The following KCNB2 variants were observed in gnomAD, a reference collection of about 807,000 sequenced individuals.
The protein encoded by KCNB2 is delayed rectifier potassium channel protein.
A neutral mutation model predicts 61.5 loss-of-function variants in KCNB2; 15 were observed. That is an observed-to-expected ratio of 0.24 (90% CI 0.16 to 0.38). KCNB2 has a LOEUF of 0.38. Ranked by LOEUF, KCNB2 falls within the 10% of genes least tolerant of loss-of-function variation. The pLI is 1.00. For missense variants in KCNB2, 828 were observed against 1,125.2 expected, an observed-to-expected ratio of 0.74 and a Z score of 3.78; for synonymous variants, 457 against 446.0, an observed-to-expected ratio of 1.02 and a Z score of -0.31.
At chr8:72,835,267 A>G (rs970076248) in intron 2 of KCNB2, among the ~76,000 whole-genome samples, 4 of 152,246 alleles carry the variant, frequency 2.6e-5, no homozygotes, top group African/African-American at 9.6e-5. Flanking sequence ...TATTTTAGAA[A>G]GAAATAATAT....
At chr8:72,648,997 TTTCTC>T (rs1279548520) in intron 2 of KCNB2, among the ~76,000 whole-genome samples, 3 of 152,192 alleles carry the variant, frequency 2.0e-5, no homozygotes, top group Admixed American at 6.5e-5. Context: ...ATTGCATACT[TTTCTC>T]ATCTTTACAG....
At chr8:72,619,022 A>C in intron 2 of KCNB2, 1 of 319,826 alleles carries the variant, frequency 3.1e-6, no homozygotes, top group South Asian at 2.8e-5. Context: ...CCCTGTTCTG[A>C]AGATGACCGT....
chr8:72,627,918 T>TA (rs1371610337), intron 2 of KCNB2, among the ~76,000 whole-genome samples: 9 of 151,988 alleles, frequency 5.9e-5, no homozygotes, highest in Non-Finnish European at 7.4e-5. Flanking sequence ...TTTATTAGAT[T>TA]AAAAAAAATG....
chr8:72,902,583 T>G (rs983152650), intron 2 of KCNB2, among the ~76,000 whole-genome samples: 5 of 152,154 alleles, frequency 3.3e-5, no homozygotes. Context: ...ATTTTATCAA[T>G]GGAGAAAATG....
chr8:72,873,695 A>C (rs1280167534), intron 2 of KCNB2, among the ~76,000 whole-genome samples: 1 of 152,264 alleles, frequency 6.6e-6, no homozygotes, highest in Non-Finnish European at 1.5e-5. Flanking sequence ...GTGTGACAGC[A>C]CTGGGGACAA....
At chr8:72,739,481 T>C (rs1807908864) in intron 2 of KCNB2, among the ~76,000 whole-genome samples, 1 of 151,980 alleles carries the variant, frequency 6.6e-6, no homozygotes. Context: ...CAAAACCTTT[T>C]AGGGAATAGA....
intron 2 of KCNB2, among the ~76,000 whole-genome samples, chr8:72,644,254 C>G (rs142491307): frequency 8.0e-4 from 122 of 152,170 alleles, no homozygotes; most frequent in Middle Eastern, 3.4e-3. Flanking sequence ...TTCACCCCCC[C>G]CTTCTCTTTA....
intron 2 of KCNB2, among the ~76,000 whole-genome samples, chr8:72,882,389 A>G (rs953563131): frequency 6.6e-6 from 1 of 152,194 alleles, no homozygotes; most frequent in African/African-American, 2.4e-5. Context: ...GAGAGTGTAC[A>G]TTGAGGTCAC....
intron 2 of KCNB2, among the ~76,000 whole-genome samples, chr8:72,764,203 A>T (rs886526046): frequency 1.3e-5 from 2 of 152,198 alleles, no homozygotes; most frequent in African/African-American, 4.8e-5. Context: ...GAAAGGCAGG[A>T]TGGATAAGAT....
intron 2 of KCNB2, among the ~76,000 whole-genome samples, chr8:72,780,958 AT>A (rs1808742927): frequency 6.6e-6 from 1 of 152,036 alleles, no homozygotes; most frequent in South Asian, 2.1e-4. Flanking sequence ...TTTGATTTGC[AT>A]TTCTCTAATG....
intron 2 of KCNB2, among the ~76,000 whole-genome samples, chr8:72,822,282 C>T (rs1321349199): frequency 1.3e-5 from 2 of 152,214 alleles, no homozygotes; most frequent in African/African-American, 4.8e-5. Context: ...ATGTTTCCTC[C>T]CTTCTGGAAA....
At chr8:72,799,758 C>T (rs1585900264) in intron 2 of KCNB2, among the ~76,000 whole-genome samples, 1 of 152,046 alleles carries the variant, frequency 6.6e-6, no homozygotes, top group Non-Finnish European at 1.5e-5. Context: ...TATCTGAAGA[C>T]GTGGACATAA....
chr8:72,623,237 T>C (rs540476982), intron 2 of KCNB2, among the ~76,000 whole-genome samples: 1 of 152,326 alleles, frequency 6.6e-6, no homozygotes, highest in Admixed American at 6.5e-5. Context: ...AGCAAATAAA[T>C]TCCTTCTATC....
intron 2 of KCNB2, among the ~76,000 whole-genome samples, chr8:72,840,053 C>T (rs2129002528): frequency 6.6e-6 from 1 of 152,236 alleles, no homozygotes; most frequent in East Asian, 1.9e-4. Flanking sequence ...AATGGTCTCC[C>T]TCCCCTAGCC....
chr8:72,663,935 C>T (rs1211901171), intron 2 of KCNB2, among the ~76,000 whole-genome samples: 1 of 152,226 alleles, frequency 6.6e-6, no homozygotes, highest in Non-Finnish European at 1.5e-5. Flanking sequence ...TTCTGAGCCT[C>T]TTTCCATAAA....
chr8:72,866,710 C>A (rs888945795), intron 2 of KCNB2, among the ~76,000 whole-genome samples: 1 of 152,142 alleles, frequency 6.6e-6, no homozygotes, highest in African/African-American at 2.4e-5. Context: ...TACAAGCAAC[C>A]CAACAACTGC....
chr8:72,725,143 C>T (rs1183011469), intron 2 of KCNB2, among the ~76,000 whole-genome samples: 1 of 151,988 alleles, frequency 6.6e-6, no homozygotes, highest in Non-Finnish European at 1.5e-5. Context: ...TTCTCCCCCA[C>T]CAGATTATTC....
chr8:72,705,226 A>G (rs186606434), intron 2 of KCNB2, among the ~76,000 whole-genome samples: 363 of 152,334 alleles, frequency 2.4e-3, no homozygotes, highest in Non-Finnish European at 4.1e-3. Context: ...ATTTACCAGT[A>G]GGGTGATTTG....
chr8:72,899,436 A>G (rs1162447874), intron 2 of KCNB2, among the ~76,000 whole-genome samples: 1 of 152,170 alleles, frequency 6.6e-6, no homozygotes, highest in African/African-American at 2.4e-5. Flanking sequence ...AGGAAGTCCA[A>G]CTATCTCCCT....
Sources: allele counts gnomAD v4.1 joint callset (sites outside exome capture counted in the v4.1 genomes callset), GRCh38; gene constraint gnomAD v4.1.1; transcripts MANE v1.5; gene names NCBI Gene and HGNC (gene_info 2026-07-23, HGNC 2026-07-21).